The following PELI1 variants were observed in gnomAD, a reference collection of about 807,000 sequenced individuals.
The protein encoded by PELI1 is E3 ubiquitin-protein ligase pellino homolog 1.
PELI1 carries 15 observed loss-of-function variants against 41.3 expected under a neutral mutation model. That is an observed-to-expected ratio of 0.36 (90% CI 0.24 to 0.56). The LOEUF is 0.56. Among genes scored for constraint, PELI1 ranks in the 20% least tolerant of loss-of-function variants. The pLI is 0.82. For synonymous variants in PELI1, 178 were observed against 180.1 expected, an observed-to-expected ratio of 0.99 and a Z score of 0.09; for missense variants, 403 against 525.5, an observed-to-expected ratio of 0.77 and a Z score of 2.28.
intron 1 of PELI1, among the ~76,000 whole-genome samples, chr2:64,119,543 G>A (rs1216591545): frequency 6.6e-6 from 1 of 152,192 alleles, no homozygotes; most frequent in Admixed American, 6.5e-5. Context: ...ACGTGTGTAG[G>A]TGGGCCTATG....
At chr2:64,098,339 ATAGT>A (rs1291261526) in intron 4 of PELI1, among the ~76,000 whole-genome samples, 2 of 152,224 alleles carry the variant, frequency 1.3e-5, no homozygotes, top group East Asian at 1.9e-4. Flanking sequence ...ATTTCTGATA[ATAGT>A]TAGAAACTGA....
intron 1 of PELI1, chr2:64,143,454 G>GT (rs1681982263): frequency 6.6e-6 from 1 of 152,068 alleles, no homozygotes; most frequent in Non-Finnish European, 1.5e-5. Flanking sequence ...AAGATCAAGC[G>GT]TATCCATCAA....
At chr2:64,125,368 C>T (rs1195167757) in intron 1 of PELI1, among the ~76,000 whole-genome samples, 1 of 152,108 alleles carries the variant, frequency 6.6e-6, no homozygotes, top group Non-Finnish European at 1.5e-5. Context: ...CATCCTATCA[C>T]TCAAAAAAAT....
intron 1 of PELI1, among the ~76,000 whole-genome samples, chr2:64,129,201 A>G (rs1681477672): frequency 6.6e-6 from 1 of 152,198 alleles, no homozygotes; most frequent in Non-Finnish European, 1.5e-5. Flanking sequence ...AATTCACTGT[A>G]TTACTTTGCA....
In PELI1 at chr2:64,104,754, T is replaced by C; in HGVS notation, c.148A>G (p.Asn50Asp). 1 of 1,613,482 alleles carries C rather than the reference T, an allele frequency of 6.2e-7. No homozygotes were observed. Among genetic ancestry groups the C allele is most frequent in the Non-Finnish European group, 8.5e-7 (1 of 1,179,814 alleles). ...RFALFKRPKANGVKPSTVHIA... is the reference protein window; with the variant it reads ...RFALFKRPKADGVKPSTVHIA... ...TGCACAGTGCTGGGCTTCACCCCATTTGCCTTAGGTCTTTTAAACAAAGCA... is the reference window on the plus strand; with the variant it reads ...TGCACAGTGCTGGGCTTCACCCCATCTGCCTTAGGTCTTTTAAACAAAGCA... Residue 50 changes from asparagine to aspartate, a missense_variant, in exon 3 of 7, where the codon AAT (asparagine) becomes GAT (aspartate). Asn to Asp is a conservative substitution (Grantham distance 23, BLOSUM62 1). Coordinates refer to ENST00000358912, the MANE Select transcript of PELI1 (RefSeq NM_020651.4).
intron 1 of PELI1, among the ~76,000 whole-genome samples, chr2:64,142,950 T>C (rs1224104592): frequency 6.6e-6 from 1 of 152,220 alleles, no homozygotes; most frequent in Non-Finnish European, 1.5e-5. Flanking sequence ...TTTTCTTATA[T>C]ATAAAGCTTC....
chr2:64,142,543 A>C (rs1681947544), intron 1 of PELI1, among the ~76,000 whole-genome samples: 1 of 152,192 alleles, frequency 6.6e-6, no homozygotes, highest in African/African-American at 2.4e-5. Context: ...AAAATAAATA[A>C]GGTCCTCAGA....
Position 64,143,086 on chromosome 2 carries a change from T to C in PELI1, c.-70+995A>G, listed in dbSNP as rs142315155. On this transcript the variant is annotated intron_variant, in intron 1 of 6. Transcript: ENST00000358912. The stretch of plus-strand genomic sequence containing the variant: ...AAACCAAGGCACATTTCCTTGTGTG[T>C]AGTGATTAAAATCTGTTAAATGTAC... Among the ~76,000 whole-genome samples, 19 of 152,354 alleles carry C rather than the reference T, an allele frequency of 1.2e-4. No homozygotes were observed. In the East Asian group the frequency reaches 2.3e-3, roughly 19 times the overall value.
chr2:64,096,352 T>C (rs1232499880), intron 5 of PELI1, 39 bp from the exon 6 acceptor site: 4 of 1,601,606 alleles, frequency 2.5e-6, no homozygotes, highest in East Asian at 2.2e-5. Flanking sequence ...AACTTGTAAC[T>C]TGTAACTTGG....
At chr2:64,118,423 T>G (rs72893138) in intron 1 of PELI1, among the ~76,000 whole-genome samples, 3,029 of 152,232 alleles carry the variant, frequency 0.02, 91 homozygotes, top group African/African-American at 0.068. Context: ...AATCATACAT[T>G]ACTGAGCAGC....
At chr2:64,135,273 C>CAG (rs1670407467) in intron 1 of PELI1, among the ~76,000 whole-genome samples, 1 of 152,108 alleles carries the variant, frequency 6.6e-6, no homozygotes, top group African/African-American at 2.4e-5. Flanking sequence ...AGTTTAAACT[C>CAG]AAACTGTTTC....
chr2:64,095,167 G>A lies in PELI1; in HGVS notation c.792C>T (p.Thr264=), dbSNP rs377610585. The A allele has an allele frequency of 3.0e-5, 49 of 1,613,912 alleles. No individual in the cohort carries two copies. The highest frequency in any genetic ancestry group is 2.5e-4 in the African/African-American group (19 of 74,906). Residue 264 remains threonine (T), a synonymous_variant, in exon 7 of 7, where the codon ACC becomes ACT. Coordinates refer to ENST00000358912, the MANE Select transcript of PELI1 (RefSeq NM_020651.4). ...GTCTTAAAGCTTCTAAATGCTTCAC[G>A]GTAGGAGTGTGGGAAAGGCCTTCTG... The part of the protein sequence containing the change: ...RTAEGLSHTP[T]VKHLEALRQE...
At chr2:64,132,291 C>G (rs1681582604) in intron 1 of PELI1, among the ~76,000 whole-genome samples, 1 of 152,156 alleles carries the variant, frequency 6.6e-6, no homozygotes. Context: ...CAAAATGCTA[C>G]AACACCTGAA....
chr2:64,121,550 A>AT (rs1174544348), intron 1 of PELI1, among the ~76,000 whole-genome samples: 1 of 147,450 alleles, frequency 6.8e-6, no homozygotes, highest in South Asian at 2.1e-4. Flanking sequence ...TTGAGGAAAT[A>AT]TTTTTTTTCT....
Position 64,095,014 on chromosome 2 carries a change from A to G in PELI1, c.945T>C (p.His315=), listed in dbSNP as rs754196817. The G allele has an allele frequency of 1.9e-6, 3 of 1,614,082 alleles. No homozygotes were observed. The highest frequency in any genetic ancestry group is 2.5e-6 in the Non-Finnish European group (3 of 1,180,026). The change falls in exon 7 of 7, where the codon CAT becomes CAC. Residue 315 remains histidine, a synonymous_variant. Coordinates refer to ENST00000358912, the MANE Select transcript of PELI1 (RefSeq NM_020651.4). ...PWVYLNCGHV[H]GYHNWGNKEE... ...CTTTGTTTCCCCAGTTATGATAGCCATGTACATGGCCGCAGTTTAGATATA... is the reference window on the plus strand; with the variant it reads ...CTTTGTTTCCCCAGTTATGATAGCCGTGTACATGGCCGCAGTTTAGATATA...
chr2:64,135,411 G>A lies in PELI1; in HGVS notation c.-70+8670C>T, dbSNP rs368807336. On this transcript the variant is annotated intron_variant, in intron 1 of 6. Transcript: ENST00000358912. ...GAAATAGGCAAGGAAAGTTTAAAAAGATTAAGTATGGCACAAATAGGAAAA... is the reference window on the plus strand; with the variant it reads ...GAAATAGGCAAGGAAAGTTTAAAAAAATTAAGTATGGCACAAATAGGAAAA... Among the ~76,000 whole-genome samples the A allele has an allele frequency of 9.9e-5, 15 of 152,244 alleles. No homozygotes were observed. In the East Asian group the frequency reaches 2.3e-3, roughly 23 times the overall value.
intron 3 of PELI1, among the ~76,000 whole-genome samples, chr2:64,102,235 A>G (rs1390801636): frequency 6.6e-6 from 1 of 152,128 alleles, no homozygotes; most frequent in African/African-American, 2.4e-5. Context: ...AATGCAGTGT[A>G]GATCATTTAC....
intron 4 of PELI1, among the ~76,000 whole-genome samples, chr2:64,097,687 G>C (rs981893417): frequency 3.9e-5 from 6 of 152,114 alleles, no homozygotes; most frequent in Non-Finnish European, 7.4e-5. Context: ...GAAGAATGTG[G>C]GTACTGAGAA....
intron 1 of PELI1, among the ~76,000 whole-genome samples, chr2:64,131,508 A>G (rs1681555777): frequency 6.6e-6 from 1 of 152,200 alleles, no homozygotes; most frequent in African/African-American, 2.4e-5. Context: ...TGCTTGGTTC[A>G]ATCCTCAGAT....
Sources: allele counts gnomAD v4.1 joint callset (sites outside exome capture counted in the v4.1 genomes callset), GRCh38; gene constraint gnomAD v4.1.1; transcripts MANE v1.5; gene names NCBI Gene and HGNC (gene_info 2026-07-23, HGNC 2026-07-21).